Variants in GRIK5 observed in about 807,000 individuals in gnomAD.
The protein encoded by GRIK5 is glutamate ionotropic receptor kainate type subunit 5.
Under a neutral mutation model 97.4 loss-of-function variants are expected in GRIK5, and 43 were observed. That is an observed-to-expected ratio of 0.44 (90% CI 0.35 to 0.57). GRIK5 has a LOEUF of 0.57. GRIK5 is among the 20% of genes least tolerant of loss of function. GRIK5 has a pLI of 0.01. For synonymous variants in GRIK5, 580 were observed against 583.5 expected, an observed-to-expected ratio of 0.99 and a Z score of 0.09; for missense variants, 1,015 against 1,382.0, an observed-to-expected ratio of 0.73 and a Z score of 4.21.
At position 42,006,855 on chromosome 19, in the gene GRIK5, T is replaced by A; in HGVS notation, c.1872-45A>T. On this transcript the variant is annotated intron_variant, in intron 15 of 19. Transcript: ENST00000593562. The surrounding 1 kb of genome is among the most constrained non-coding windows in gnomAD (Gnocchi z 5.3). Reference sequence around the variant, plus strand: ...AGTCACGGGCTGGAGTCACCCCTGCTGACCTGCCCCCGTGGCCATGCCCCC... The same window carrying A: ...AGTCACGGGCTGGAGTCACCCCTGCAGACCTGCCCCCGTGGCCATGCCCCC... The A allele has an allele frequency of 6.8e-7, 1 of 1,479,260 alleles. No homozygotes were observed. The highest frequency in any genetic ancestry group is 9.1e-7 in the Non-Finnish European group (1 of 1,098,796). The allele number at this position is 1,479,260 out of a possible 1,614,324, so 91.6% of individuals were successfully genotyped here. A position where few individuals can be genotyped will look rare whatever the true frequency, so the allele number is the denominator to read the frequency against.
chr19:42,029,811 A>G (rs965946667), intron 12 of GRIK5, among the ~76,000 whole-genome samples: 18 of 152,178 alleles, frequency 1.2e-4, no homozygotes, highest in Non-Finnish European at 2.2e-4. Flanking sequence ...GGCTGTAGGG[A>G]AAGTAAATGG....
intron 15 of GRIK5, among the ~76,000 whole-genome samples, chr19:42,012,943 A>G (rs2075581552): frequency 6.6e-6 from 1 of 152,222 alleles, no homozygotes; most frequent in African/African-American, 2.4e-5. Context: ...TCCATAAATA[A>G]AGTTTTATTG....
Position 42,003,720 on chromosome 19 carries a change from G to A in GRIK5, c.2264-37C>T. 1 of 1,553,702 alleles carries A rather than the reference G, an allele frequency of 6.4e-7. No individual in the cohort carries two copies. The highest frequency in any genetic ancestry group is 8.7e-7 in the Non-Finnish European group (1 of 1,150,642). Reference sequence around the variant, plus strand: ...CACGAGGGGCTGGACCAGCCATCGGGCCCTGCAGCCCTGACCGCCCCAAAC... The same window carrying A: ...CACGAGGGGCTGGACCAGCCATCGGACCCTGCAGCCCTGACCGCCCCAAAC... On this transcript the variant is annotated intron_variant, in intron 17 of 19. Transcript: ENST00000593562. This position sits in a 1 kb window ranked among gnomAD's most constrained non-coding sequence, Gnocchi z 4.2.
In GRIK5 at chr19:42,065,653, G is replaced by A; in HGVS notation, c.79+39C>T. On this transcript the variant is annotated intron_variant, in intron 2 of 19. Coordinates refer to ENST00000593562, the MANE Select transcript of GRIK5 (RefSeq NM_002088.5). The surrounding 1 kb of genome is among the most constrained non-coding windows in gnomAD (Gnocchi z 5.8). ...GCCTGGGTCCCCAGAGGAGCCCCAG[G>A]GCCTGAGGATGCAGGGGCAGGGTGC... 1 of 1,494,390 alleles carries A rather than the reference G, an allele frequency of 6.7e-7. No homozygotes were observed. Among genetic ancestry groups the A allele is most frequent in the African/African-American group, 1.4e-5 (1 of 72,152 alleles). 92.6% of individuals were successfully genotyped at this position (1,494,390 alleles called of 1,614,324 possible). A position where few individuals can be genotyped will look rare whatever the true frequency, so the allele number is the denominator to read the frequency against.
chr19:42,005,661 T>C, intron 17 of GRIK5, 62 bp downstream of exon 17: 1 of 1,205,190 alleles, frequency 8.3e-7, no homozygotes, highest in Non-Finnish European at 1.2e-6. Flanking sequence ...GTCCTGGGCC[T>C]GCTCACAGGT....
chr19:42,056,567 G>T, intron 8 of GRIK5, 95 bp downstream of exon 8: 2 of 1,071,848 alleles, frequency 1.9e-6, no homozygotes, highest in South Asian at 1.4e-5. Context: ...GAGGGCGAGA[G>T]GGTTCTGAGC....
chr19:42,014,908 G>A lies in GRIK5; in HGVS notation c.1871+6393C>T, dbSNP rs533795394. Among the ~76,000 whole-genome samples, 7 of 152,242 alleles carry A rather than the reference G, an allele frequency of 4.6e-5. No homozygotes were observed. In the East Asian group the frequency reaches 5.8e-4, roughly 13 times the overall value. ...TATCTCTATTTAAAAGAAAAGAAAA[G>A]GAATGCTCTTTAAATATAATAATCT... On this transcript the variant is annotated intron_variant, in intron 15 of 19. Transcript: ENST00000593562.
intron 11 of GRIK5, among the ~76,000 whole-genome samples, chr19:42,051,930 G>A (rs1047509460): frequency 6.6e-6 from 1 of 152,126 alleles, no homozygotes; most frequent in Non-Finnish European, 1.5e-5. Flanking sequence ...CCTTCCTCCA[G>A]CCTCCTAAAG....
Position 42,065,183 on chromosome 19 carries a change from C to A in GRIK5, c.244+40G>T. On this transcript the variant is annotated intron_variant, in intron 3 of 19. Coordinates refer to ENST00000593562, the MANE Select transcript of GRIK5 (RefSeq NM_002088.5). The surrounding 1 kb of genome is among the most constrained non-coding windows in gnomAD (Gnocchi z 5.8). ...AGAGGGATGGACTGAGGGCCACCGA[C>A]CTGCCCTGCCTCACCCCACGCCCCC... 1 of 1,567,904 alleles carries A rather than the reference C, an allele frequency of 6.4e-7. No homozygotes were observed. Among genetic ancestry groups the A allele is most frequent in the Non-Finnish European group, 8.7e-7 (1 of 1,149,950 alleles).
At chr19:42,025,135 A>G (rs894431526) in intron 12 of GRIK5, among the ~76,000 whole-genome samples, 4 of 152,108 alleles carry the variant, frequency 2.6e-5, no homozygotes, top group Non-Finnish European at 5.9e-5. Flanking sequence ...TGGTGCCACA[A>G]TGAAACCTCA....
In GRIK5 at chr19:42,042,529, T is replaced by C; in HGVS notation, c.1473+23A>G. On this transcript the variant is annotated intron_variant, in intron 12 of 19. Coordinates refer to ENST00000593562, the MANE Select transcript of GRIK5 (RefSeq NM_002088.5). This position sits in a 1 kb window ranked among gnomAD's most constrained non-coding sequence, Gnocchi z 6.9. ...CTCACTCGCCGGGTCCATGCATCTT[T>C]CCCGGCCCCAGTCCAGCCATACCCG... 8.2e-6 allele frequency: 13 copies of C among 1,590,512 alleles called. No homozygotes were observed. Among genetic ancestry groups the C allele is most frequent in the Non-Finnish European group, 1.1e-5 (13 of 1,168,226 alleles).
chr19:42,000,215 G>A (rs1270783215), intron 19 of GRIK5, among the ~76,000 whole-genome samples: 1 of 152,200 alleles, frequency 6.6e-6, no homozygotes, highest in Non-Finnish European at 1.5e-5. Context: ...GGGAGCTTTA[G>A]GTAGAGGAGT....
At chr19:42,010,763 G>A (rs1004460960) in intron 15 of GRIK5, among the ~76,000 whole-genome samples, 1 of 152,134 alleles carries the variant, frequency 6.6e-6, no homozygotes, top group Non-Finnish European at 1.5e-5. Flanking sequence ...GTAGATTTGT[G>A]GGTAAATAGA....
intron 12 of GRIK5, among the ~76,000 whole-genome samples, chr19:42,036,593 T>A (rs1199618780): frequency 1.3e-5 from 2 of 152,198 alleles, no homozygotes; most frequent in African/African-American, 4.8e-5. Flanking sequence ...TGGGCTCAAG[T>A]GATCCTCCCA....
intron 15 of GRIK5, among the ~76,000 whole-genome samples, chr19:42,013,370 A>C (rs1431543764): frequency 1.3e-5 from 2 of 151,372 alleles, no homozygotes; most frequent in Non-Finnish European, 2.9e-5. Flanking sequence ...AATAAAGATA[A>C]ATATTTAAAA....
chr19:42,053,586 A>G lies in GRIK5; in HGVS notation c.1269+16T>C. ...AGGGCAGCGCCACTCCCAGGCCCCC[A>G]TCTAGGGCCACTCACCAGGATGGTT... On this transcript the variant is annotated intron_variant, in intron 11 of 19. Coordinates refer to ENST00000593562, the MANE Select transcript of GRIK5 (RefSeq NM_002088.5). 1 of 1,477,194 alleles carries G rather than the reference A, an allele frequency of 6.8e-7. No homozygotes were observed. Among genetic ancestry groups the G allele is most frequent in the African/African-American group, 1.4e-5 (1 of 72,374 alleles). 91.5% of individuals were successfully genotyped at this position (1,477,194 alleles called of 1,614,324 possible).
intron 19 of GRIK5, among the ~76,000 whole-genome samples, chr19:42,000,264 T>C (rs922767777): frequency 1.1e-4 from 16 of 151,908 alleles, no homozygotes; most frequent in Non-Finnish European, 1.2e-4. Flanking sequence ...TGAGAACAGA[T>C]TGTAGGGAGG....
chr19:42,013,229 G>A (rs551839453), intron 15 of GRIK5, among the ~76,000 whole-genome samples: 21 of 151,644 alleles, frequency 1.4e-4, no homozygotes, highest in African/African-American at 4.8e-4. Context: ...AGCCAGGCAC[G>A]TAGTCCTAGC....
intron 11 of GRIK5, among the ~76,000 whole-genome samples, chr19:42,047,218 T>C (rs1280283311): frequency 6.6e-6 from 1 of 151,858 alleles, no homozygotes; most frequent in Non-Finnish European, 1.5e-5. Flanking sequence ...TTTTTTAAAA[T>C]TGAAGTATGA....
Sources: allele counts gnomAD v4.1 joint callset (sites outside exome capture counted in the v4.1 genomes callset), GRCh38; gene constraint gnomAD v4.1.1; non-coding constraint Gnocchi (gnomAD v3.1); transcripts MANE v1.5; gene names NCBI Gene and HGNC (gene_info 2026-07-23, HGNC 2026-07-21).